The following RIT2 variants were observed in gnomAD, a reference collection of about 807,000 sequenced individuals.
The protein encoded by RIT2 is GTP-binding protein Rit2.
Under a neutral mutation model 23.7 loss-of-function variants are expected in RIT2, and 24 were observed. That is an observed-to-expected ratio of 1.01 (90% confidence interval 0.73 to 1.43). The LOEUF (loss-of-function observed/expected upper bound fraction) is 1.43, where lower values mean the gene tolerates loss of function less well. Among genes scored for constraint, RIT2 ranks in the 40% most tolerant of loss-of-function variants. The pLI, the probability that RIT2 is intolerant of heterozygous loss-of-function variation, is 0.00. For synonymous variants in RIT2, 107 were observed against 91.1 expected, an observed-to-expected ratio of 1.17 and a Z score of -0.99; for missense variants, 236 against 266.9, an observed-to-expected ratio of 0.88 and a Z score of 0.81.
At chr18:42,752,816 A>G (rs1913077133) in intron 4 of RIT2, among the ~76,000 whole-genome samples, 1 of 152,208 alleles carries the variant, frequency 6.6e-6, no homozygotes. Context: ...CAATTGATGC[A>G]GATATCATTA....
chr18:43,030,364 T>C (rs566696933), intron 2 of RIT2, among the ~76,000 whole-genome samples: 3 of 152,052 alleles, frequency 2.0e-5, no homozygotes, highest in Non-Finnish European at 2.9e-5. Context: ...TGGATGAAAA[T>C]GCTGTAAGAC....
chr18:43,083,040 T>C (rs1180862962), intron 1 of RIT2, among the ~76,000 whole-genome samples: 1 of 152,154 alleles, frequency 6.6e-6, no homozygotes, highest in Non-Finnish European at 1.5e-5. Flanking sequence ...AGTCTCAGGA[T>C]ACAAATTCAA....
intron 4 of RIT2, among the ~76,000 whole-genome samples, chr18:42,837,760 G>A (rs193042738): frequency 1.4e-4 from 21 of 151,954 alleles, no homozygotes; most frequent in African/African-American, 5.1e-4. Context: ...TTCCCCAGGT[G>A]GTGTTGTTTA....
At chr18:42,805,003 A>C (rs545628895) in intron 4 of RIT2, among the ~76,000 whole-genome samples, 5 of 152,346 alleles carry the variant, frequency 3.3e-5, no homozygotes, top group African/African-American at 7.2e-5. Context: ...AAAGCACAGC[A>C]AAAAGCAAAA....
intron 3 of RIT2, among the ~76,000 whole-genome samples, chr18:42,953,491 G>A (rs879563552): frequency 1.8e-4 from 28 of 152,080 alleles, no homozygotes; most frequent in Non-Finnish European, 3.8e-4. Context: ...AAAACTATAG[G>A]AGGCATTTGT....
At chr18:42,835,574 A>G (rs911841911) in intron 4 of RIT2, among the ~76,000 whole-genome samples, 4 of 152,178 alleles carry the variant, frequency 2.6e-5, no homozygotes, top group Admixed American at 2.6e-4. Context: ...CAGGATATGT[A>G]CAAATGATGT....
intron 3 of RIT2, among the ~76,000 whole-genome samples, chr18:42,964,621 T>G (rs1019786153): frequency 2.0e-5 from 3 of 152,158 alleles, no homozygotes; most frequent in African/African-American, 7.2e-5. Flanking sequence ...GTTTTCCTAC[T>G]CCCACATACA....
chr18:42,941,784 A>G (rs2144159481), intron 3 of RIT2, among the ~76,000 whole-genome samples: 1 of 152,234 alleles, frequency 6.6e-6, no homozygotes, highest in South Asian at 2.1e-4. Flanking sequence ...ATATGTATGT[A>G]TATTTGTGTG....
At chr18:43,097,404 CAAAGACAGCGA>C (rs1383563800) in intron 1 of RIT2, among the ~76,000 whole-genome samples, 1 of 151,784 alleles carries the variant, frequency 6.6e-6, no homozygotes. Flanking sequence ...AAATAAATAG[CAAAGACAGCGA>C]AAAGTAGAAA....
chr18:42,951,232 G>T (rs566420101), intron 3 of RIT2, among the ~76,000 whole-genome samples: 1 of 152,168 alleles, frequency 6.6e-6, no homozygotes, highest in East Asian at 1.9e-4. Context: ...ATACACCATG[G>T]ACTATTATGC....
chr18:43,041,537 A>T (rs1200040273), intron 1 of RIT2, among the ~76,000 whole-genome samples: 1 of 152,114 alleles, frequency 6.6e-6, no homozygotes, highest in African/African-American at 2.4e-5. Flanking sequence ...GTTTCCAAGG[A>T]CTTTATAAAA....
chr18:42,890,816 T>A (rs1319638797), intron 4 of RIT2, among the ~76,000 whole-genome samples: 1 of 152,088 alleles, frequency 6.6e-6, no homozygotes, highest in African/African-American at 2.4e-5. Flanking sequence ...TAAATCAACT[T>A]ACCTCTGCCT....
intron 3 of RIT2, 70 bp downstream of exon 3, chr18:42,974,004 T>C (rs1283277949): frequency 1.1e-5 from 11 of 973,046 alleles, no homozygotes; most frequent in Non-Finnish European, 1.7e-5. Context: ...TTCTCCTTTG[T>C]TGTAAATATA....
rs141514388 is a variant in RIT2 at position 43,016,128 on chromosome 18, A to G, written c.160+17683T>C. Among the ~76,000 whole-genome samples the G allele has an allele frequency of 2.3e-3, 347 of 152,038 alleles. 1 individual carries two copies. Among genetic ancestry groups the G allele is most frequent in the Non-Finnish European group, 3.6e-3 (244 of 67,876 alleles). On this transcript the variant is annotated intron_variant, in intron 2 of 4. Transcript: ENST00000326695. ...AAAGTGAGAATTTGTTTAATGTACA[A>G]AAGCATCAAATAGTCAAGTAAGCAT...
chr18:43,049,263 G>A (rs1425465444), intron 1 of RIT2, among the ~76,000 whole-genome samples: 2 of 152,150 alleles, frequency 1.3e-5, no homozygotes, highest in Non-Finnish European at 2.9e-5. Context: ...TCCAGGGTTT[G>A]ATAGAAAGAT....
intron 4 of RIT2, among the ~76,000 whole-genome samples, chr18:42,863,461 T>A (rs1218494287): frequency 6.6e-6 from 1 of 152,176 alleles, no homozygotes; most frequent in East Asian, 1.9e-4. Flanking sequence ...TTCTTTGTGG[T>A]ATTTTTACCA....
chr18:42,852,055 C>T (rs1907067889), intron 4 of RIT2, among the ~76,000 whole-genome samples: 1 of 152,068 alleles, frequency 6.6e-6, no homozygotes, highest in South Asian at 2.1e-4. Flanking sequence ...AAGTGCACCA[C>T]AAGGATATAA....
At chr18:43,110,676 G>T (rs1377669104) in intron 1 of RIT2, among the ~76,000 whole-genome samples, 1 of 151,938 alleles carries the variant, frequency 6.6e-6, no homozygotes, top group Non-Finnish European at 1.5e-5. Context: ...GAACTTTATT[G>T]GATAATTTGT....
rs553559217 is a variant in RIT2 at position 42,803,731 on chromosome 18, G to A, written c.427-60011C>T. 7.9e-5 allele frequency among the ~76,000 whole-genome samples: 12 copies of A among 152,220 alleles called. No homozygotes were observed. In the East Asian group the frequency reaches 9.7e-4, roughly 12 times the overall value. On this transcript the variant is annotated intron_variant, in intron 4 of 4. Coordinates refer to ENST00000326695, the MANE Select transcript of RIT2 (RefSeq NM_002930.4). ...TCCAACCTGATGCTATTTGCTGCCC[G>A]TGGTATTTATTAATAGTCCTATAAA...
Sources: allele counts gnomAD v4.1 joint callset (sites outside exome capture counted in the v4.1 genomes callset), GRCh38; gene constraint gnomAD v4.1.1; transcripts MANE v1.5; gene names NCBI Gene and HGNC (gene_info 2026-07-23, HGNC 2026-07-21).